MAP7: variants seen among roughly 807,000 people sequenced by gnomAD.
MAP7 encodes ensconsin.
MAP7 carries 52 observed loss-of-function variants against 94.8 expected under a neutral mutation model. The observed-to-expected ratio is 0.55, with a 90% CI of 0.44 to 0.69. MAP7 has a LOEUF of 0.69. MAP7 is among the 30% of genes least tolerant of loss of function. The pLI is 0.00. For missense variants in MAP7, 940 were observed against 964.6 expected (o/e 0.97, Z 0.34); for synonymous variants, 350 against 357.0 (o/e 0.98, Z 0.22).
chr6:136,366,247 A>C, intron 9 of MAP7, 80 bp downstream of exon 9: 1 of 1,207,628 alleles, frequency 8.3e-7, no homozygotes, highest in Non-Finnish European at 1.2e-6. Context: ...CAGCATGAGA[A>C]GAACAGTTCA....
chr6:136,549,431 GA>G (rs201124413), intron 1 of MAP7, among the ~76,000 whole-genome samples: 1 of 151,536 alleles, frequency 6.6e-6, no homozygotes, highest in African/African-American at 2.4e-5. Flanking sequence ...AGCCTCTGGA[GA>G]AAAAAAAATC....
chr6:136,464,432 A>T lies in MAP7; in HGVS notation c.68-42633T>A, dbSNP rs560045958. 8.5e-5 allele frequency among the ~76,000 whole-genome samples: 13 copies of T among 152,302 alleles called. No homozygotes were observed. The East Asian group carries it at 2.3e-3, about 27-fold the overall frequency. On this transcript the variant is annotated intron_variant, in intron 1 of 17. Coordinates refer to ENST00000354570, the MANE Select transcript of MAP7 (RefSeq NM_003980.6). ...ACATTCACGTAACTCCTATTACTCT[A>T]TATTGTTATAACTGCTCTATTTTAT...
intron 9 of MAP7, 47 bp from the exon 10 acceptor site, chr6:136,366,065 A>G: frequency 1.3e-6 from 2 of 1,566,102 alleles, no homozygotes; most frequent in African/African-American, 1.4e-5. Context: ...ACATGAGAAC[A>G]GGCTTGCCAG....
chr6:136,525,782 G>C, intron 1 of MAP7: 2 of 1,511,790 alleles, frequency 1.3e-6, no homozygotes, highest in Non-Finnish European at 1.8e-6. Flanking sequence ...GGCAGTGTGG[G>C]AGACAAGGGC....
At chr6:136,371,047 G>A (rs1774331041) in intron 8 of MAP7, among the ~76,000 whole-genome samples, 1 of 152,036 alleles carries the variant, frequency 6.6e-6, no homozygotes, top group Non-Finnish European at 1.5e-5. Flanking sequence ...AAATGACTCT[G>A]AGTCGTTTTC....
chr6:136,550,316 C>G lies in MAP7; in HGVS notation c.67+26G>C, dbSNP rs1830056018. 7 of 1,492,728 alleles carry G rather than the reference C, an allele frequency of 4.7e-6. No homozygotes were observed. The highest frequency in any genetic ancestry group is 6.2e-6 in the Non-Finnish European group (7 of 1,126,778). 92.5% of individuals were successfully genotyped at this position (1,492,728 alleles called of 1,614,324 possible). A position where few individuals can be genotyped will look rare whatever the true frequency, so the allele number is the denominator to read the frequency against. The stretch of plus-strand genomic sequence containing the variant: ...CTCGCCGTCCCCTGCCCGACGGGAC[C>G]CCCACTATCCCCGCTGTGCGGTCAC... On this transcript the variant is annotated intron_variant, in intron 1 of 17. Coordinates refer to ENST00000354570, the MANE Select transcript of MAP7 (RefSeq NM_003980.6). The surrounding 1 kb of genome is among the most constrained non-coding windows in gnomAD (Gnocchi z 5.1).
intron 1 of MAP7, among the ~76,000 whole-genome samples, chr6:136,441,227 A>G (rs1445229320): frequency 6.6e-6 from 1 of 152,236 alleles, no homozygotes; most frequent in East Asian, 1.9e-4. Context: ...AAATAAGCTT[A>G]AAGTCTTAAA....
intron 1 of MAP7, among the ~76,000 whole-genome samples, chr6:136,509,575 T>G (rs1278241957): frequency 1.3e-5 from 2 of 152,200 alleles, no homozygotes; most frequent in Admixed American, 6.5e-5. Context: ...TTTGTTTTTT[T>G]TGAGACAGGG....
At chr6:136,458,116 A>T (rs1430165685) in intron 1 of MAP7, among the ~76,000 whole-genome samples, 1 of 152,222 alleles carries the variant, frequency 6.6e-6, no homozygotes, top group East Asian at 1.9e-4. Flanking sequence ...TACAAAAACC[A>T]GTTGCATTTC....
At chr6:136,412,663 G>A (rs1366189323) in intron 2 of MAP7, among the ~76,000 whole-genome samples, 1 of 152,168 alleles carries the variant, frequency 6.6e-6, no homozygotes, top group African/African-American at 2.4e-5. Flanking sequence ...CTGGAACAGA[G>A]TGAGATGAGT....
chr6:136,509,489 G>A (rs1583101216), intron 1 of MAP7, among the ~76,000 whole-genome samples: 2 of 152,226 alleles, frequency 1.3e-5, no homozygotes, highest in South Asian at 2.1e-4. Flanking sequence ...TTTGCCTCAA[G>A]TAATCCTCCC....
intron 1 of MAP7, among the ~76,000 whole-genome samples, chr6:136,430,995 C>T (rs1562392207): frequency 1.3e-5 from 2 of 152,146 alleles, no homozygotes; most frequent in African/African-American, 2.4e-5. Context: ...CATCATCACC[C>T]GAAGTCCATA....
intron 1 of MAP7, among the ~76,000 whole-genome samples, chr6:136,485,953 A>C (rs1340481436): frequency 6.6e-6 from 1 of 151,882 alleles, no homozygotes; most frequent in Non-Finnish European, 1.5e-5. Flanking sequence ...AGGCTCCACA[A>C]GTTGTGGACA....
chr6:136,359,711 TA>T, intron 15 of MAP7, 108 bp downstream of exon 15: 1 of 1,022,206 alleles, frequency 9.8e-7, no homozygotes, highest in Non-Finnish European at 1.5e-6. Flanking sequence ...TGTGAGTCTG[TA>T]AGCACTGGAT....
At chr6:136,356,819 C>T (rs757144312) in intron 15 of MAP7, 25 bp from the exon 16 acceptor site, 2 of 1,563,108 alleles carry the variant, frequency 1.3e-6, no homozygotes, top group Admixed American at 1.7e-5. Context: ...GGAGACAGAA[C>T]ACAGGGTTAC....
At position 136,419,190 on chromosome 6, in the gene MAP7, C is replaced by T. The variant is rs113287894; in HGVS notation, c.166+2511G>A. 1.6e-3 allele frequency among the ~76,000 whole-genome samples: 236 copies of T among 152,240 alleles called. 2 individuals carry two copies. Among genetic ancestry groups the T allele is most frequent in the African/African-American group, 5.5e-3 (230 of 41,526 alleles). ...TATATTGGTTTATCCATCATACTGT[C>T]AACTGGAAGGTAGAGATTATGTCTT... On this transcript the variant is annotated intron_variant, in intron 2 of 17. Coordinates refer to ENST00000354570, the MANE Select transcript of MAP7 (RefSeq NM_003980.6).
intron 1 of MAP7, among the ~76,000 whole-genome samples, chr6:136,473,138 C>G (rs1426256359): frequency 6.6e-6 from 1 of 152,192 alleles, no homozygotes; most frequent in Non-Finnish European, 1.5e-5. Flanking sequence ...CATCAAGAGC[C>G]AAGGCACATG....
chr6:136,446,972 C>T (rs1211721664), intron 1 of MAP7, among the ~76,000 whole-genome samples: 1 of 152,106 alleles, frequency 6.6e-6, no homozygotes, highest in African/African-American at 2.4e-5. Flanking sequence ...AAACATCTCC[C>T]CCACAAACAT....
intron 3 of MAP7, among the ~76,000 whole-genome samples, chr6:136,393,692 G>A (rs1781438927): frequency 1.3e-5 from 2 of 151,956 alleles, no homozygotes; most frequent in South Asian, 4.1e-4. Flanking sequence ...CTGGAGTGCA[G>A]TGGTGTCATC....
Sources: allele counts gnomAD v4.1 joint callset (sites outside exome capture counted in the v4.1 genomes callset), GRCh38; gene constraint gnomAD v4.1.1; non-coding constraint Gnocchi (gnomAD v3.1); transcripts MANE v1.5; gene names NCBI Gene and HGNC (gene_info 2026-07-23, HGNC 2026-07-21).